Variants in NAALADL2 observed in about 807,000 individuals in gnomAD.
NAALADL2 encodes the protein inactive N-acetylated-alpha-linked acidic dipeptidase-like protein 2.
In NAALADL2, 76 loss-of-function variants were observed where a neutral mutation model predicts 87.2. The observed-to-expected ratio is 0.87, with a 90% CI of 0.72 to 1.05. The LOEUF (loss-of-function observed/expected upper bound fraction) is 1.05. Ranked by LOEUF, NAALADL2 falls within the 50% of genes least tolerant of loss-of-function variation. NAALADL2 has a pLI of 0.00. For missense variants in NAALADL2, 1,089 were observed against 945.8 expected (o/e 1.15, Z -1.99); for synonymous variants, 354 against 331.0 (o/e 1.07, Z -0.75).
intron 3 of NAALADL2, among the ~76,000 whole-genome samples, chr3:175,255,112 T>C (rs1429587621): frequency 1.3e-5 from 2 of 152,008 alleles, no homozygotes; most frequent in South Asian, 4.1e-4. Context: ...CAGATTACTC[T>C]GGGAGCCAAA....
At chr3:175,716,355 A>G (rs1582994616) in intron 11 of NAALADL2, among the ~76,000 whole-genome samples, 1 of 147,008 alleles carries the variant, frequency 6.8e-6, no homozygotes, top group East Asian at 2.0e-4. Context: ...ATATATGTAT[A>G]TGTGTGTGTG....
intron 1 of NAALADL2, among the ~76,000 whole-genome samples, chr3:175,080,829 A>G (rs574351584): frequency 2.0e-5 from 3 of 152,342 alleles, no homozygotes; most frequent in South Asian, 4.1e-4. Flanking sequence ...ATTTAAAACA[A>G]TTTAGATTCA....
In NAALADL2 at chr3:175,576,141, G is replaced by T; in HGVS notation, c.1754G>T (p.Gly585Val). Residue 585 changes from glycine to valine, a missense_variant, in exon 10 of 14, where the codon GGA becomes GTA. Gly to Val is a moderately radical substitution (Grantham distance 109). Transcript: ENST00000454872. The stretch of plus-strand genomic sequence containing the variant: ...GCTGATTATTTCATCAACCATCTTG[G>T]AGTTCCCATCGTGCAGTTTGCTTAC... ...GDADYFINHL[G>V]VPIVQFAYED... 2 of 1,613,724 alleles carry T rather than the reference G, an allele frequency of 1.2e-6. No homozygotes were observed. The highest frequency in any genetic ancestry group is 1.7e-6 in the Non-Finnish European group (2 of 1,179,778).
At chr3:174,912,509 G>C (rs1733838053) in intron 1 of NAALADL2, among the ~76,000 whole-genome samples, 1 of 152,046 alleles carries the variant, frequency 6.6e-6, no homozygotes, top group African/African-American at 2.4e-5. Flanking sequence ...ACCAAAATGT[G>C]GTCAGCTAAA....
At chr3:175,233,810 CTCAT>C in intron 2 of NAALADL2, 117 bp from the exon 3 acceptor site, 2 of 632,814 alleles carry the variant, frequency 3.2e-6, no homozygotes, top group Non-Finnish European at 5.5e-6. Flanking sequence ...AGGGTCCTGT[CTCAT>C]TCATCTTTCA....
At chr3:175,261,866 TG>T (rs1296073327) in intron 4 of NAALADL2, among the ~76,000 whole-genome samples, 1 of 152,110 alleles carries the variant, frequency 6.6e-6, no homozygotes, top group African/African-American at 2.4e-5. Flanking sequence ...ATTGGGCCAG[TG>T]TATAACTTCA....
chr3:175,114,814 G>T (rs1029659442), intron 2 of NAALADL2, among the ~76,000 whole-genome samples: 2 of 151,544 alleles, frequency 1.3e-5, no homozygotes, highest in Non-Finnish European at 3.0e-5. Flanking sequence ...GGAATGGGAG[G>T]CTTAGACTCA....
At chr3:174,487,258 CTTT>C (rs1209782674) in intron 1 of NAALADL2, among the ~76,000 whole-genome samples, 1 of 152,028 alleles carries the variant, frequency 6.6e-6, no homozygotes, top group Non-Finnish European at 1.5e-5. Context: ...AAAGCCAATT[CTTT>C]GTCTAAGCTA....
At chr3:175,012,493 G>A (rs1045993683) in intron 1 of NAALADL2, among the ~76,000 whole-genome samples, 25 of 152,040 alleles carry the variant, frequency 1.6e-4, no homozygotes, top group Non-Finnish European at 2.9e-4. Context: ...AAATGAAAAT[G>A]TTTACTCCTG....
At chr3:174,540,196 A>G (rs1312264944) in intron 1 of NAALADL2, among the ~76,000 whole-genome samples, 1 of 152,126 alleles carries the variant, frequency 6.6e-6, no homozygotes, top group Non-Finnish European at 1.5e-5. Context: ...GGGGGAAAAA[A>G]AGCAGATGAG....
At chr3:174,979,200 C>G (rs1312406051) in intron 1 of NAALADL2, among the ~76,000 whole-genome samples, 1 of 151,182 alleles carries the variant, frequency 6.6e-6, no homozygotes. Flanking sequence ...TTCTGGAGTC[C>G]TCTAAATTTT....
chr3:175,497,372 T>C (rs1728961100), intron 9 of NAALADL2, among the ~76,000 whole-genome samples: 1 of 152,222 alleles, frequency 6.6e-6, no homozygotes, highest in Admixed American at 6.5e-5. Flanking sequence ...CCTTAAGAAG[T>C]TCAGACATTT....
chr3:174,765,916 T>C (rs1713749096), intron 3 of NAALADL2, among the ~76,000 whole-genome samples: 2 of 152,140 alleles, frequency 1.3e-5, no homozygotes, highest in South Asian at 2.1e-4. Context: ...CCAAACTCTA[T>C]GAGTAATTGA....
At chr3:175,275,337 A>G (rs1199822859) in intron 4 of NAALADL2, among the ~76,000 whole-genome samples, 1 of 152,180 alleles carries the variant, frequency 6.6e-6, no homozygotes, top group Non-Finnish European at 1.5e-5. Context: ...TGTTTTTAGG[A>G]TTTCTTAATG....
intron 2 of NAALADL2, among the ~76,000 whole-genome samples, chr3:174,654,867 C>G (rs1724743519): frequency 6.6e-6 from 1 of 152,152 alleles, no homozygotes; most frequent in African/African-American, 2.4e-5. Context: ...TCCTGAGTAT[C>G]TGGGACTACA....
intron 2 of NAALADL2, among the ~76,000 whole-genome samples, chr3:174,579,888 A>G (rs1395014202): frequency 1.3e-5 from 2 of 152,028 alleles, no homozygotes; most frequent in Non-Finnish European, 2.9e-5. Flanking sequence ...AACTGTGCTT[A>G]TGTAGACATA....
At chr3:175,608,734 C>T (rs1353092949) in intron 10 of NAALADL2, among the ~76,000 whole-genome samples, 1 of 152,098 alleles carries the variant, frequency 6.6e-6, no homozygotes, top group East Asian at 1.9e-4. Flanking sequence ...GGAAACTATA[C>T]TGATCCTTCA....
intron 4 of NAALADL2, among the ~76,000 whole-genome samples, chr3:175,321,178 C>G (rs1759808750): frequency 6.8e-6 from 1 of 146,532 alleles, no homozygotes; most frequent in African/African-American, 2.5e-5. Context: ...AAGGCTGGTT[C>G]AATATACGCA....
chr3:174,827,251 T>G (rs950200392), intron 3 of NAALADL2, among the ~76,000 whole-genome samples: 1 of 152,214 alleles, frequency 6.6e-6, no homozygotes, highest in Non-Finnish European at 1.5e-5. Context: ...TGTAACAAAT[T>G]ACCACAAACA....
Sources: gnomAD v4.1 joint callset for allele counts (sites outside exome capture counted in the v4.1 genomes callset) on GRCh38, gnomAD v4.1.1 for gene constraint, MANE v1.5 for transcripts, NCBI Gene and HGNC (gene_info 2026-07-23, HGNC 2026-07-21) for gene names.